LAMA2: variants seen among roughly 807,000 people sequenced by gnomAD.
LAMA2 encodes laminin subunit alpha 2.
In LAMA2, 269 loss-of-function variants were observed where a neutral mutation model predicts 364.8. The observed-to-expected ratio is 0.74, with a 90% CI of 0.67 to 0.82. The LOEUF (loss-of-function observed/expected upper bound fraction) is 0.82. Ranked by LOEUF, LAMA2 falls within the 40% of genes least tolerant of loss-of-function variation. The probability of loss-of-function intolerance (pLI) is 0.00; values close to 1 mark genes in which losing one functional copy is unlikely to be tolerated. For missense variants in LAMA2, 3,807 were observed against 3,873.2 expected (o/e 0.98, Z 0.45); for synonymous variants, 1,379 against 1,370.6 (o/e 1.01, Z -0.14).
intron 20 of LAMA2, among the ~76,000 whole-genome samples, chr6:129,293,980 C>A (rs1789901179): frequency 6.6e-6 from 1 of 152,132 alleles, no homozygotes; most frequent in African/African-American, 2.4e-5. Flanking sequence ...TAGTAAGATC[C>A]ACTTCAGAGG....
intron 47 of LAMA2, among the ~76,000 whole-genome samples, chr6:129,454,717 T>C (rs111911040): frequency 3.9e-4 from 59 of 152,316 alleles, no homozygotes; most frequent in African/African-American, 1.4e-3. Context: ...ACTGAAATTC[T>C]TATGTAACAT....
chr6:129,018,873 G>T (rs973444258), intron 1 of LAMA2, among the ~76,000 whole-genome samples: 1 of 151,958 alleles, frequency 6.6e-6, no homozygotes, highest in African/African-American at 2.4e-5. Context: ...ATCTTAAGAG[G>T]TTAATTTTAT....
At chr6:129,243,230 C>T (rs1187763528) in intron 12 of LAMA2, among the ~76,000 whole-genome samples, 1 of 152,048 alleles carries the variant, frequency 6.6e-6, no homozygotes, top group Non-Finnish European at 1.5e-5. Context: ...TTGGGCCTTA[C>T]TTTGTTACAC....
chr6:129,216,021 A>G (rs994341480), intron 12 of LAMA2, among the ~76,000 whole-genome samples: 19 of 152,212 alleles, frequency 1.2e-4, no homozygotes, highest in African/African-American at 3.6e-4. Context: ...AGAGAAAATA[A>G]TGGTTGACTG....
chr6:129,189,994 C>G, intron 10 of LAMA2, among the ~76,000 whole-genome samples: 1 of 152,134 alleles, frequency 6.6e-6, no homozygotes, highest in Non-Finnish European at 1.5e-5. Context: ...AGATTTGCAT[C>G]CATCCAATAA....
chr6:129,411,724 G>A (rs1407706737), intron 40 of LAMA2, among the ~76,000 whole-genome samples: 3 of 150,702 alleles, frequency 2.0e-5, no homozygotes, highest in South Asian at 4.1e-4. Context: ...CGCTTCATTT[G>A]CTATAAATAC....
intron 9 of LAMA2, among the ~76,000 whole-genome samples, chr6:129,174,005 C>T (rs935863738): frequency 2.6e-5 from 4 of 152,012 alleles, no homozygotes; most frequent in Admixed American, 1.3e-4. Flanking sequence ...CTTTGTGTCT[C>T]ACTACTGTTG....
intron 4 of LAMA2, among the ~76,000 whole-genome samples, chr6:129,122,912 G>A (rs1294683080): frequency 6.6e-6 from 1 of 152,120 alleles, no homozygotes; most frequent in African/African-American, 2.4e-5. Flanking sequence ...AATTAAATAA[G>A]ATAAGCTTAA....
chr6:129,281,487 C>A (rs571751210), intron 18 of LAMA2, among the ~76,000 whole-genome samples: 1 of 152,116 alleles, frequency 6.6e-6, no homozygotes, highest in Admixed American at 6.6e-5. Flanking sequence ...GTTTCTGAAC[C>A]ATCTATAATT....
chr6:128,947,380 G>C (rs1364195577), intron 1 of LAMA2, among the ~76,000 whole-genome samples: 1 of 152,138 alleles, frequency 6.6e-6, no homozygotes, highest in Non-Finnish European at 1.5e-5. Context: ...TCTATAAGAA[G>C]AGTGAAATAA....
chr6:129,059,705 TTTTAC>T (rs1360858824), intron 2 of LAMA2, 74 bp from the exon 3 acceptor site: 4 of 874,756 alleles, frequency 4.6e-6, no homozygotes, highest in Non-Finnish European at 7.7e-6. Flanking sequence ...AACCATTTTT[TTTTAC>T]TTTAAAGAAA....
In LAMA2 at chr6:129,035,875, A is replaced by G. The variant is rs535956973; in HGVS notation, c.113-14043A>G. On this transcript the variant is annotated intron_variant, in intron 1 of 64. Coordinates refer to ENST00000421865, the MANE Select transcript of LAMA2 (RefSeq NM_000426.4). The stretch of plus-strand genomic sequence containing the variant: ...CCATTACCATGCTGTTTTAGTTACT[A>G]TAGCCTCATAGTCTCAGAGCATAGT... Among the ~76,000 whole-genome samples, 186 of 152,180 alleles carry G rather than the reference A, an allele frequency of 1.2e-3. 1 individual carries two copies. The highest frequency in any genetic ancestry group is 4.0e-3 in the African/African-American group (168 of 41,542).
At chr6:129,061,019 A>G (rs1788878271) in intron 3 of LAMA2, among the ~76,000 whole-genome samples, 1 of 152,166 alleles carries the variant, frequency 6.6e-6, no homozygotes, top group African/African-American at 2.4e-5. Flanking sequence ...CTGAGTTAAT[A>G]ATATTTCTCA....
chr6:129,046,408 C>T (rs1340465451), intron 1 of LAMA2, among the ~76,000 whole-genome samples: 3 of 152,146 alleles, frequency 2.0e-5, no homozygotes, highest in Non-Finnish European at 4.4e-5. Flanking sequence ...AAAGGCAGGT[C>T]TTACATGGTG....
At chr6:129,005,250 C>T (rs574361172) in intron 1 of LAMA2, among the ~76,000 whole-genome samples, 1 of 151,986 alleles carries the variant, frequency 6.6e-6, no homozygotes, top group East Asian at 1.9e-4. Flanking sequence ...TCCCTCTCTT[C>T]CCACCCTTCC....
At chr6:129,483,530 T>C (rs568489142) in intron 55 of LAMA2, among the ~76,000 whole-genome samples, 1 of 152,316 alleles carries the variant, frequency 6.6e-6, no homozygotes, top group Admixed American at 6.5e-5. Context: ...TTAATGAAGA[T>C]ATTAAAGACT....
At chr6:129,320,510 A>C in intron 27 of LAMA2, 28 bp from the exon 28 acceptor site, 1 of 1,261,442 alleles carries the variant, frequency 7.9e-7, no homozygotes, top group Non-Finnish European at 1.2e-6. Context: ...CTGTCATAGT[A>C]ATCTAAGTAC....
chr6:129,474,273 G>A (rs1347668144), intron 52 of LAMA2, among the ~76,000 whole-genome samples: 1 of 152,116 alleles, frequency 6.6e-6, no homozygotes, highest in Non-Finnish European at 1.5e-5. Flanking sequence ...TAAACGAGCA[G>A]TGAAAGTTCA....
chr6:129,243,122 TTGTC>T (rs1785503299), intron 12 of LAMA2, among the ~76,000 whole-genome samples: 1 of 152,136 alleles, frequency 6.6e-6, no homozygotes, highest in African/African-American at 2.4e-5. Context: ...GAACTCCTAA[TTGTC>T]TGGTTTTCAA....
Sources: allele counts gnomAD v4.1 joint callset (sites outside exome capture counted in the v4.1 genomes callset), GRCh38; gene constraint gnomAD v4.1.1; transcripts MANE v1.5; gene names NCBI Gene and HGNC (gene_info 2026-07-23, HGNC 2026-07-21).